Variants in BAIAP3 observed in about 807,000 individuals in gnomAD.
BAIAP3 encodes the protein BAI1-associated protein 3.
A neutral mutation model predicts 149.7 loss-of-function variants in BAIAP3; 180 were observed. That is an observed-to-expected ratio of 1.20 (90% CI 1.07 to 1.36). The LOEUF (loss-of-function observed/expected upper bound fraction) is 1.36, where lower values mean the gene tolerates loss of function less well. BAIAP3 is among the 40% of genes most tolerant of loss of function. The probability of loss-of-function intolerance (pLI) is 0.00; values close to 1 mark genes in which losing one functional copy is unlikely to be tolerated. For synonymous variants in BAIAP3, 845 were observed against 670.7 expected (o/e 1.26, Z -4.02); for missense variants, 1,767 against 1,563.4 (o/e 1.13, Z -2.20).
At chr16:1,341,250 G>T (rs779704420) in intron 7 of BAIAP3, 44 bp from the exon 8 acceptor site, 2 of 1,606,422 alleles carry the variant, frequency 1.2e-6, no homozygotes, top group Admixed American at 3.4e-5. Context: ...GCCATGGAGG[G>T]CCAGAGGGCG....
intron 1 of BAIAP3, chr16:1,334,688 A>G: frequency 6.4e-7 from 1 of 1,554,362 alleles, no homozygotes. Context: ...CAGCGTTTGC[A>G]GCGGGCCCGC....
At chr16:1,334,027 G>T (rs1197881648) in intron 1 of BAIAP3, among the ~76,000 whole-genome samples, 3 of 151,674 alleles carry the variant, frequency 2.0e-5, no homozygotes, top group Non-Finnish European at 2.9e-5. Context: ...CTGCGGAGCG[G>T]ACGGGGAGGG....
rs745936394 is a variant in BAIAP3 at position 1,349,390 on chromosome 16, T to C, written c.*908T>C. On this transcript the variant is annotated 3_prime_UTR_variant, in exon 34 of 34. Coordinates refer to ENST00000426824, the MANE Select transcript of BAIAP3 (RefSeq NM_001199097.2). ...GGCCCATTTATGTCCCTCATGTCTCTAGATTTTCTCGTCACCCAGCCTCAA... is the reference window on the plus strand; with the variant it reads ...GGCCCATTTATGTCCCTCATGTCTCCAGATTTTCTCGTCACCCAGCCTCAA... 11 of 1,610,432 alleles carry C rather than the reference T, an allele frequency of 6.8e-6. No individual in the cohort carries two copies. Among genetic ancestry groups the C allele is most frequent in the Admixed American group, 1.7e-5 (1 of 60,012 alleles).
At chr16:1,345,529 A>AGCCTCCCCC (rs1391031253) in intron 22 of BAIAP3, 157 bp downstream of exon 22, 1 of 593,512 alleles carries the variant, frequency 1.7e-6, no homozygotes, top group East Asian at 4.0e-5. Flanking sequence ...CCGCAACCCC[A>AGCCTCCCCC]GCCTCCCCAG....
At position 1,344,809 on chromosome 16, in the gene BAIAP3, T is replaced by A; in HGVS notation, c.1769T>A (p.Val590Glu). 1.2e-6 allele frequency: 2 copies of A among 1,613,860 alleles called. No individual in the cohort carries two copies. Among genetic ancestry groups the A allele is most frequent in the Non-Finnish European group, 8.5e-7 (1 of 1,180,026 alleles). ...YASLFHSILN[V>E]DVFTLTFRQL... is the part of the protein sequence containing the mutation. Reference sequence around the variant, plus strand: ...CCCTTGCTCTGCAGCATCCTCAATGTGGACGTCTTCACCCTGACCTTCCGG... The same window carrying A: ...CCCTTGCTCTGCAGCATCCTCAATGAGGACGTCTTCACCCTGACCTTCCGG... Residue 590 changes from valine (V) to glutamate (E), a missense_variant, in exon 20 of 34, where the codon GTG becomes GAG. Coordinates refer to ENST00000426824, the MANE Select transcript of BAIAP3 (RefSeq NM_001199097.2).
At position 1,349,392 on chromosome 16, in the gene BAIAP3, G is replaced by T; in HGVS notation, c.*910G>T. ...CCCATTTATGTCCCTCATGTCTCTAGATTTTCTCGTCACCCAGCCTCAAAA... is the reference window on the plus strand; with the variant it reads ...CCCATTTATGTCCCTCATGTCTCTATATTTTCTCGTCACCCAGCCTCAAAA... On this transcript the variant is annotated 3_prime_UTR_variant, in exon 34 of 34. Transcript: ENST00000426824. The T allele has an allele frequency of 4.4e-6, 7 of 1,608,182 alleles. No homozygotes were observed. Among genetic ancestry groups the T allele is most frequent in the Non-Finnish European group, 6.0e-6 (7 of 1,175,192 alleles).
chr16:1,349,264 G>C lies in BAIAP3; in HGVS notation c.*782G>C, dbSNP rs572984800. Reference sequence around the variant, plus strand: ...CTTCTTGGCCTGCAGCTTCATTTGCGAGAGCGCCGAGGCAGGACACAGAGC... The same window carrying C: ...CTTCTTGGCCTGCAGCTTCATTTGCCAGAGCGCCGAGGCAGGACACAGAGC... On this transcript the variant is annotated 3_prime_UTR_variant, in exon 34 of 34. Coordinates refer to ENST00000426824, the MANE Select transcript of BAIAP3 (RefSeq NM_001199097.2). The C allele has an allele frequency of 9.5e-6, 7 of 736,880 alleles. No individual in the cohort carries two copies. The highest frequency in any genetic ancestry group is 5.3e-5 in the African/African-American group (3 of 56,938). 45.6% of individuals were successfully genotyped at this position (736,880 alleles called of 1,614,324 possible). A position where few individuals can be genotyped will look rare whatever the true frequency, so the allele number is the denominator to read the frequency against.
At chr16:1,336,342 C>T (rs1466062902) in intron 1 of BAIAP3, 5 of 978,038 alleles carry the variant, frequency 5.1e-6, no homozygotes, top group Middle Eastern at 5.4e-4. Context: ...GCCTACCAAG[C>T]CCCCCCATCT....
Position 1,342,519 on chromosome 16 carries a change from A to G in BAIAP3, c.958-8A>G, listed in dbSNP as rs113971322. On this transcript the variant is annotated splice_region_variant and splice_polypyrimidine_tract_variant and intron_variant, in intron 11 of 33. Coordinates refer to ENST00000426824, the MANE Select transcript of BAIAP3 (RefSeq NM_001199097.2). ...GTCTGGTGGGCCTGACCCCCATGCTACCCCCAGGAGGTGCCTGTGGCTGGC... is the reference window on the plus strand; with the variant it reads ...GTCTGGTGGGCCTGACCCCCATGCTGCCCCCAGGAGGTGCCTGTGGCTGGC... The G allele has an allele frequency of 6.4e-7, 1 of 1,550,474 alleles. No homozygotes were observed. Among genetic ancestry groups the G allele is most frequent in the Non-Finnish European group, 8.7e-7 (1 of 1,147,246 alleles).
chr16:1,340,998 C>T lies in BAIAP3; in HGVS notation c.468+17C>T. On this transcript the variant is annotated intron_variant, in intron 6 of 33. Transcript: ENST00000426824. The stretch of plus-strand genomic sequence containing the variant: ...AAGGCCAAGGTGAGGCCGCCACTGC[C>T]TGGGCAGGCACTGACCAGCACGTGC... 6.2e-7 allele frequency: 1 copy of T among 1,605,374 alleles called. No individual in the cohort carries two copies. Among genetic ancestry groups the T allele is most frequent in the Non-Finnish European group, 8.5e-7 (1 of 1,176,574 alleles).
At chr16:1,335,687 G>A (rs986319708) in intron 1 of BAIAP3, among the ~76,000 whole-genome samples, 5 of 152,050 alleles carry the variant, frequency 3.3e-5, no homozygotes, top group South Asian at 2.1e-4. Context: ...GGGTTTCTGC[G>A]CACCCAGGAT....
rs74006010 is a variant in BAIAP3, at chr16:1,338,088, G to C, written c.-10-452G>C. On this transcript the variant is annotated intron_variant, in intron 1 of 33. Coordinates refer to ENST00000426824, the MANE Select transcript of BAIAP3 (RefSeq NM_001199097.2). ...GTACCTGGCATCCGTCCTGGCCCCA[G>C]AGTCGGCACGGGGGCTGGGGGAGCT... Among the ~76,000 whole-genome samples, 1,010 of 152,312 alleles carry C rather than the reference G, an allele frequency of 6.6e-3. 17 individuals carry two copies. Among genetic ancestry groups the C allele is most frequent in the African/African-American group, 0.023 (975 of 41,564 alleles).
At position 1,345,037 on chromosome 16, in the gene BAIAP3, G is replaced by C. The variant is rs1332030465; in HGVS notation, c.1878G>C (p.Gly626=). Residue 626 remains glycine, a synonymous_variant, in exon 21 of 34, where the codon GGG becomes GGC. Coordinates refer to ENST00000426824, the MANE Select transcript of BAIAP3 (RefSeq NM_001199097.2). ...AGATGACCCTGGAGGTGGCCTCGGG[G>C]CTCTTTGAGCTCTACCTGACCCTGG... ...SPKMTLEVAS[G]LFELYLTLAD... is the part of the protein sequence containing the mutation. 1.2e-6 allele frequency: 2 copies of C among 1,612,412 alleles called. No homozygotes were observed. Among genetic ancestry groups the C allele is most frequent in the Non-Finnish European group, 8.5e-7 (1 of 1,180,008 alleles).
intron 10 of BAIAP3, 43 bp downstream of exon 10, chr16:1,342,106 G>C (rs2033962796): frequency 1.3e-6 from 2 of 1,572,178 alleles, no homozygotes; most frequent in Non-Finnish European, 8.7e-7. Context: ...CGTGCCCTCA[G>C]CTTGGTCATG....
chr16:1,347,836 G>T lies in BAIAP3; in HGVS notation c.3025+15G>T. 1.9e-6 allele frequency: 3 copies of T among 1,603,954 alleles called. No individual in the cohort carries two copies. In the East Asian group the frequency reaches 6.7e-5, roughly 36 times the overall value. ...GGACGCCAACGGTGAGTTGCAGCGGGGACGGGTCGGGTGGTGGTGGGATGG... is the reference window on the plus strand; with the variant it reads ...GGACGCCAACGGTGAGTTGCAGCGGTGACGGGTCGGGTGGTGGTGGGATGG... On this transcript the variant is annotated intron_variant, in intron 31 of 33. Transcript: ENST00000426824.
At chr16:1,342,406 G>A (rs1242335757) in intron 11 of BAIAP3, 121 bp from the exon 12 acceptor site, 1 of 1,364,922 alleles carries the variant, frequency 7.3e-7, no homozygotes, top group East Asian at 2.5e-5. Context: ...GAGTGCGCTT[G>A]TCACCCTCAT....
rs200858324 is a variant in BAIAP3, at chr16:1,334,714, T to C, written c.-11+965T>C. On this transcript the variant is annotated intron_variant, in intron 1 of 33. Transcript: ENST00000426824. ...GCGGGCCCGCCAGGTGACCTGCACC[T>C]GGGCACCGCCATCGGCTTCGCAGGG... 1,572 of 1,556,848 alleles carry C rather than the reference T, an allele frequency of 1.0e-3. 9 individuals are homozygous for C. The highest frequency in any genetic ancestry group is 7.7e-4 in the Non-Finnish European group (888 of 1,150,764).
At position 1,345,786 on chromosome 16, in the gene BAIAP3, G is replaced by A. The variant is rs368873369; in HGVS notation, c.2104G>A (p.Ala702Thr). 3.3e-5 allele frequency: 52 copies of A among 1,561,704 alleles called. No individual in the cohort carries two copies. The highest frequency in any genetic ancestry group is 1.9e-4 in the Admixed American group (10 of 53,808). Reference sequence around the variant, plus strand: ...CGCCTCCTCCAGGCACAGCAGCTCCGCAGCCACTGCTGGTCTCTGCCTCAG... The same window carrying A: ...CGCCTCCTCCAGGCACAGCAGCTCCACAGCCACTGCTGGTCTCTGCCTCAG... The part of the protein sequence containing the change: ...VDASSRHSSS[A>T]ATAGLCLSHI... The change falls in exon 23 of 34, where the codon GCA (alanine) becomes ACA (threonine). Residue 702 changes from alanine to threonine, a missense_variant. By Grantham distance (58) the Ala-to-Thr change is moderately conservative. Transcript: ENST00000426824.
intron 6 of BAIAP3, 37 bp from the exon 7 acceptor site, chr16:1,341,092 C>T (rs778390633): frequency 4.3e-6 from 7 of 1,610,600 alleles, no homozygotes; most frequent in Admixed American, 1.7e-5. Context: ...GGGGGCAGCT[C>T]AGCCTCACCA....
Sources: gnomAD v4.1 joint callset for allele counts (sites outside exome capture counted in the v4.1 genomes callset) on GRCh38, gnomAD v4.1.1 for gene constraint, MANE v1.5 for transcripts, NCBI Gene and HGNC (gene_info 2026-07-23, HGNC 2026-07-21) for gene names.